LNPK: variants seen among roughly 807,000 people sequenced by gnomAD.
LNPK encodes lunapark, ER junction formation factor.
LNPK carries 29 observed loss-of-function variants against 55.2 expected under a neutral mutation model. The observed-to-expected ratio is 0.53, with a 90% CI of 0.39 to 0.72. LNPK has a LOEUF of 0.72. Among genes scored for constraint, LNPK ranks in the 30% least tolerant of loss-of-function variants. The probability of loss-of-function intolerance (pLI) is 0.00; values close to 1 mark genes in which losing one functional copy is unlikely to be tolerated. For missense variants in LNPK, 467 were observed against 494.8 expected, an observed-to-expected ratio of 0.94 and a Z score of 0.53; for synonymous variants, 162 against 168.2, an observed-to-expected ratio of 0.96 and a Z score of 0.29.
rs1264678020 is a variant in LNPK, at chr2:176,002,163, C to G, written c.-66G>C. 17 of 444,984 alleles carry G rather than the reference C, an allele frequency of 3.8e-5. No homozygotes were observed. In the East Asian group the frequency reaches 1.0e-3, roughly 27 times the overall value. 27.6% of individuals were successfully genotyped at this position (444,984 alleles called of 1,614,324 possible). On this transcript the variant is annotated 5_prime_UTR_variant, in exon 1 of 13. Transcript: ENST00000272748. ...GCCCTCGCCTTGAGCGTTCTACCTG[C>G]AAGAAGCGGGCGCAGCCCGGCCCGG...
chr2:175,975,261 T>C (rs1686857534), intron 5 of LNPK, among the ~76,000 whole-genome samples: 1 of 152,184 alleles, frequency 6.6e-6, no homozygotes, highest in South Asian at 2.1e-4. Context: ...ATACCTGCTA[T>C]TCCCACTTCA....
chr2:175,949,082 ATT>A (rs1439269042), intron 8 of LNPK, among the ~76,000 whole-genome samples: 2 of 152,282 alleles, frequency 1.3e-5, no homozygotes, highest in East Asian at 3.9e-4. Context: ...TTTTCAAATG[ATT>A]TTAGCTAAAA....
chr2:175,957,903 T>A (rs952735537), intron 8 of LNPK, among the ~76,000 whole-genome samples: 3 of 152,200 alleles, frequency 2.0e-5, no homozygotes, highest in African/African-American at 7.2e-5. Context: ...ACCAGGGGAT[T>A]ATATCCCGTG....
chr2:175,997,197 T>G (rs1030701746), intron 1 of LNPK, among the ~76,000 whole-genome samples: 4 of 152,198 alleles, frequency 2.6e-5, no homozygotes, highest in African/African-American at 7.2e-5. Context: ...ACCTATAATC[T>G]GTCCTGAAAA....
At chr2:175,973,406 T>G (rs1263984709) in intron 5 of LNPK, among the ~76,000 whole-genome samples, 5 of 152,186 alleles carry the variant, frequency 3.3e-5, no homozygotes, top group Non-Finnish European at 5.9e-5. Flanking sequence ...GAAGTTCCCT[T>G]TGGCCCTACA....
chr2:175,933,284 C>T (rs889643708), intron 12 of LNPK, among the ~76,000 whole-genome samples: 1 of 152,082 alleles, frequency 6.6e-6, no homozygotes, highest in African/African-American at 2.4e-5. Context: ...ACTGCCCCAC[C>T]TATAAACTAC....
intron 8 of LNPK, among the ~76,000 whole-genome samples, chr2:175,952,613 G>T (rs1315612530): frequency 6.6e-6 from 1 of 150,926 alleles, no homozygotes; most frequent in Non-Finnish European, 1.5e-5. Flanking sequence ...TATTCAAATT[G>T]TACTCTCAAT....
At position 175,927,668 on chromosome 2, in the gene LNPK, G is replaced by A. The variant is rs374882568; in HGVS notation, c.*2299C>T. 2.0e-5 allele frequency: 3 copies of A among 152,254 alleles called. No individual in the cohort carries two copies. The South Asian group carries it at 6.2e-4, about 32-fold the overall frequency. 9.4% of individuals were successfully genotyped at this position (152,254 alleles called of 1,614,324 possible). On this transcript the variant is annotated 3_prime_UTR_variant, in exon 13 of 13. Coordinates refer to ENST00000272748, the MANE Select transcript of LNPK (RefSeq NM_030650.3). ...GACCCACTGAACAATTGTAAGCAAGGAAGCTAAGATCACTGTAGCTAATGG... is the reference window on the plus strand; with the variant it reads ...GACCCACTGAACAATTGTAAGCAAGAAAGCTAAGATCACTGTAGCTAATGG...
chr2:175,966,075 A>G (rs819040), intron 6 of LNPK, among the ~76,000 whole-genome samples: 95,304 of 151,952 alleles, frequency 0.63, 30,663 homozygotes, highest in African/African-American at 0.78. Flanking sequence ...GTTTTGTTTC[A>G]TTTTGTTTTG....
chr2:175,995,509 A>C, intron 2 of LNPK, 49 bp downstream of exon 2: 1 of 1,462,278 alleles, frequency 6.8e-7, no homozygotes. Flanking sequence ...GCTTTATGTG[A>C]CACTTTTATA....
rs932590738 is a variant in LNPK, at chr2:175,955,026, G to A, written c.494-7334C>T. Among the ~76,000 whole-genome samples the A allele has an allele frequency of 4.6e-5, 7 of 152,274 alleles. No individual in the cohort carries two copies. In the East Asian group the frequency reaches 1.3e-3, roughly 29 times the overall value. On this transcript the variant is annotated intron_variant, in intron 8 of 12. Coordinates refer to ENST00000272748, the MANE Select transcript of LNPK (RefSeq NM_030650.3). ...GACTGACAACTTAGTCATCTAGATG[G>A]GCTGAAGAAAGGGTTTACAGTGATG...
chr2:175,947,263 A>G (rs1270648984), intron 9 of LNPK, among the ~76,000 whole-genome samples: 2 of 152,232 alleles, frequency 1.3e-5, no homozygotes, highest in East Asian at 1.9e-4. Flanking sequence ...CAAAGAAGCC[A>G]TAACAGTTAA....
intron 4 of LNPK, among the ~76,000 whole-genome samples, chr2:175,985,702 C>T (rs1687375418): frequency 6.6e-6 from 1 of 152,008 alleles, no homozygotes; most frequent in African/African-American, 2.4e-5. Context: ...TAAATACATA[C>T]CATGTAGGTA....
intron 9 of LNPK, among the ~76,000 whole-genome samples, chr2:175,946,434 A>T (rs193134758): frequency 1.3e-5 from 2 of 152,272 alleles, no homozygotes; most frequent in Admixed American, 1.3e-4. Context: ...GTCAAATTTA[A>T]AAGTATTGTT....
chr2:175,970,025 A>G (rs951363559), intron 6 of LNPK, among the ~76,000 whole-genome samples: 1 of 152,176 alleles, frequency 6.6e-6, no homozygotes, highest in African/African-American at 2.4e-5. Context: ...GATCATTTGT[A>G]CCTGATTAAA....
chr2:175,992,567 C>A, intron 3 of LNPK, 149 bp from the exon 4 acceptor site: 2 of 462,044 alleles, frequency 4.3e-6, no homozygotes, highest in Non-Finnish European at 3.7e-6. Context: ...TAAAACAAAA[C>A]ATAATATGAA....
intron 5 of LNPK, among the ~76,000 whole-genome samples, chr2:175,979,234 A>C (rs1687055492): frequency 6.6e-6 from 1 of 152,144 alleles, no homozygotes; most frequent in South Asian, 2.1e-4. Flanking sequence ...ATAAAGATTA[A>C]TTTAACAAAT....
chr2:175,946,533 T>G (rs1222812926), intron 9 of LNPK, among the ~76,000 whole-genome samples: 1 of 152,152 alleles, frequency 6.6e-6, no homozygotes, highest in Non-Finnish European at 1.5e-5. Context: ...AGAGTTTTTT[T>G]AGTCTTCTAA....
intron 8 of LNPK, 151 bp downstream of exon 8, chr2:175,964,221 T>A: frequency 2.0e-6 from 1 of 500,978 alleles, no homozygotes; most frequent in Non-Finnish European, 3.6e-6. Context: ...ATTATTGCCA[T>A]CCACCCTAAG....
Sources: allele counts gnomAD v4.1 joint callset (sites outside exome capture counted in the v4.1 genomes callset), GRCh38; gene constraint gnomAD v4.1.1; transcripts MANE v1.5; gene names NCBI Gene and HGNC (gene_info 2026-07-23, HGNC 2026-07-21).